The following FLVCR1 variants were observed in gnomAD, a reference collection of about 807,000 sequenced individuals.
FLVCR1 encodes choline/ethanolamine transporter FLVCR1.
FLVCR1 carries 34 observed loss-of-function variants against 53.6 expected under a neutral mutation model. That is an observed-to-expected ratio of 0.63 (90% CI 0.48 to 0.84). FLVCR1 has a LOEUF of 0.84. FLVCR1 is among the 40% of genes least tolerant of loss of function. The pLI, the probability that FLVCR1 is intolerant of heterozygous loss-of-function variation, is 0.00. For synonymous variants in FLVCR1, 300 were observed against 286.3 expected, an observed-to-expected ratio of 1.05 and a Z score of -0.48; for missense variants, 677 against 696.7, an observed-to-expected ratio of 0.97 and a Z score of 0.32.
chr1:212,860,265 G>A (rs564921486), intron 1 of FLVCR1, among the ~76,000 whole-genome samples: 1 of 151,092 alleles, frequency 6.6e-6, no homozygotes, highest in Non-Finnish European at 1.5e-5. Context: ...ATAGTTGTTT[G>A]TCCAAAATAA....
At chr1:212,891,917 T>C (rs1665203718) in intron 8 of FLVCR1, among the ~76,000 whole-genome samples, 1 of 152,188 alleles carries the variant, frequency 6.6e-6, no homozygotes, top group African/African-American at 2.4e-5. Context: ...AAACAGCCTA[T>C]TGATATGGAG....
chr1:212,892,702 GTCTTAT>G (rs1353591716), intron 8 of FLVCR1, among the ~76,000 whole-genome samples: 1 of 152,122 alleles, frequency 6.6e-6, no homozygotes, highest in Non-Finnish European at 1.5e-5. Flanking sequence ...CAACTTTCAA[GTCTTAT>G]TCTTTAAGAA....
In FLVCR1 at chr1:212,895,360, C is replaced by A; in HGVS notation, c.*70C>A. On this transcript the variant is annotated 3_prime_UTR_variant, in exon 10 of 10. Coordinates refer to ENST00000366971, the MANE Select transcript of FLVCR1 (RefSeq NM_014053.4). The stretch of plus-strand genomic sequence containing the variant: ...GATCATCCTTGGAGAGAGATGTGAG[C>A]ACCAAGGCTGGGTTTGTATGTGGTG... 8.4e-7 allele frequency: 1 copy of A among 1,192,942 alleles called. No individual in the cohort carries two copies. The highest frequency in any genetic ancestry group is 1.3e-6 in the Non-Finnish European group (1 of 796,650). 73.9% of individuals were successfully genotyped at this position (1,192,942 alleles called of 1,614,324 possible).
intron 8 of FLVCR1, among the ~76,000 whole-genome samples, chr1:212,893,718 A>G (rs1195083060): frequency 6.6e-6 from 1 of 152,214 alleles, no homozygotes; most frequent in Non-Finnish European, 1.5e-5. Flanking sequence ...CAGCAAAAAG[A>G]TAACTTGCAG....
At chr1:212,890,460 T>TAA (rs5780704) in intron 8 of FLVCR1, among the ~76,000 whole-genome samples, 71 of 148,572 alleles carry the variant, frequency 4.8e-4, no homozygotes, top group South Asian at 3.8e-3. Context: ...GCTAATGAGC[T>TAA]AAAAAAAAAA....
intron 1 of FLVCR1, 124 bp from the exon 2 acceptor site, chr1:212,863,601 A>G (rs1300082737): frequency 8.3e-6 from 7 of 841,038 alleles, no homozygotes; most frequent in Non-Finnish European, 1.3e-5. Flanking sequence ...AAAAAAGAAC[A>G]TAATAGTTTA....
intron 2 of FLVCR1, among the ~76,000 whole-genome samples, chr1:212,871,485 C>T (rs1046743123): frequency 7.2e-5 from 11 of 152,186 alleles, no homozygotes; most frequent in Admixed American, 7.2e-4. Context: ...TCACTGCAGC[C>T]TGTATTCCTG....
At chr1:212,866,401 G>A (rs1664431785) in intron 2 of FLVCR1, among the ~76,000 whole-genome samples, 1 of 151,982 alleles carries the variant, frequency 6.6e-6, no homozygotes, top group Admixed American at 6.6e-5. Flanking sequence ...GATTACTGGT[G>A]TGAGCCACTG....
intron 8 of FLVCR1, among the ~76,000 whole-genome samples, chr1:212,894,730 C>G (rs41301011): frequency 1.1e-4 from 16 of 152,080 alleles, no homozygotes; most frequent in Admixed American, 3.3e-4. Flanking sequence ...TTGGAGAGTC[C>G]TTTAAGAAAA....
At position 212,858,636 on chromosome 1, in the gene FLVCR1, G is replaced by C. The variant is rs747698371; in HGVS notation, c.184G>C (p.Gly62Arg). ...CCGGGACAGCCTCGCTGCCGCCTCG[G>C]GAGTTCTGGGCGGGCCTCAGACTCC... ...APRDSLAAASGVLGGPQTPLA... is the reference protein window; with the variant it reads ...APRDSLAAASRVLGGPQTPLA... The change falls in exon 1 of 10, where the codon GGA becomes CGA. Residue 62 changes from glycine to arginine, a missense_variant. Physicochemically the swap from Gly to Arg is moderately radical, Grantham distance 125. Coordinates refer to ENST00000366971, the MANE Select transcript of FLVCR1 (RefSeq NM_014053.4). 12 of 1,537,034 alleles carry C rather than the reference G, an allele frequency of 7.8e-6. No individual in the cohort carries two copies. The South Asian group carries it at 1.4e-4, about 18-fold the overall frequency.
intron 3 of FLVCR1, among the ~76,000 whole-genome samples, chr1:212,879,469 G>A (rs1664861617): frequency 6.6e-6 from 1 of 152,116 alleles, no homozygotes; most frequent in Non-Finnish European, 1.5e-5. Flanking sequence ...CTAGAATAGA[G>A]CTTCGGGATC....
intron 3 of FLVCR1, among the ~76,000 whole-genome samples, chr1:212,880,520 A>T (rs901293837): frequency 6.6e-6 from 1 of 152,198 alleles, no homozygotes; most frequent in Admixed American, 6.5e-5. Flanking sequence ...CCTGCTGGCC[A>T]GGTGCAGTGG....
intron 3 of FLVCR1, among the ~76,000 whole-genome samples, chr1:212,876,360 A>G (rs918425591): frequency 6.8e-6 from 1 of 147,674 alleles, no homozygotes; most frequent in Non-Finnish European, 1.5e-5. Flanking sequence ...TGCAAAGGAC[A>G]TGATCTCATT....
intron 1 of FLVCR1, among the ~76,000 whole-genome samples, chr1:212,863,479 C>T (rs1177326849): frequency 6.6e-6 from 1 of 151,550 alleles, no homozygotes; most frequent in Non-Finnish European, 1.5e-5. Context: ...ATCCCAGCTA[C>T]TCAGGAGGCT....
At chr1:212,864,863 T>C (rs929831920) in intron 2 of FLVCR1, among the ~76,000 whole-genome samples, 12 of 152,238 alleles carry the variant, frequency 7.9e-5, no homozygotes, top group African/African-American at 2.9e-4. Context: ...GGGTAGAGAC[T>C]GCCTTGGTAG....
rs572881055 is a variant in FLVCR1 at position 212,872,738 on chromosome 1, C to G, written c.944C>G (p.Pro315Arg). The G allele has an allele frequency of 9.5e-5, 153 of 1,612,918 alleles. 2 individuals are homozygous for G. The highest frequency in any genetic ancestry group is 9.1e-4 in the South Asian group (83 of 91,056). Residue 315 changes from proline (P) to arginine (R), a missense_variant, in exon 3 of 10, where the codon CCC (proline) becomes CGC (arginine). By Grantham distance (103) the Pro-to-Arg change is moderately radical (BLOSUM62 -2). Transcript: ENST00000366971. ...SQAQAALQDS[P>R]PEEYSYKKSI... ...GCTCAAGCAGCTCTTCAAGACAGTC[C>G]CCCTGAAGAGTACTCCTATAAGAAA...
rs1665407706 is a variant in FLVCR1, at chr1:212,898,925, T to G, written c.*3635T>G. On this transcript the variant is annotated 3_prime_UTR_variant, in exon 10 of 10. Transcript: ENST00000366971. The stretch of plus-strand genomic sequence containing the variant: ...TCTAAACATAGAACAGATAATACAT[T>G]GTGCTACAATGTAACAATGGCTGTG... The G allele has an allele frequency of 6.6e-6, 1 of 152,218 alleles. No individual in the cohort carries two copies. Among genetic ancestry groups the G allele is most frequent in the African/African-American group, 2.4e-5 (1 of 41,448 alleles). 9.4% of individuals were successfully genotyped at this position (152,218 alleles called of 1,614,324 possible).
rs1175866801 is a variant in FLVCR1, at chr1:212,899,046, C to T, written c.*3756C>T. The T allele has an allele frequency of 6.6e-6, 1 of 152,098 alleles. No individual in the cohort carries two copies. Among genetic ancestry groups the T allele is most frequent in the East Asian group, 1.9e-4 (1 of 5,200 alleles). The allele number at this position is 152,098 out of a possible 1,614,324, so 9.4% of individuals were successfully genotyped here. A position where few individuals can be genotyped will look rare whatever the true frequency, so the allele number is the denominator to read the frequency against. Reference sequence around the variant, plus strand: ...TGTTGATCGAAACATGACTGTATGTCGTATTTTCAGAAAATGGAATAGGTA... The same window carrying T: ...TGTTGATCGAAACATGACTGTATGTTGTATTTTCAGAAAATGGAATAGGTA... On this transcript the variant is annotated 3_prime_UTR_variant, in exon 10 of 10. Coordinates refer to ENST00000366971, the MANE Select transcript of FLVCR1 (RefSeq NM_014053.4).
At chr1:212,860,977 C>G (rs1481650052) in intron 1 of FLVCR1, among the ~76,000 whole-genome samples, 1 of 151,824 alleles carries the variant, frequency 6.6e-6, no homozygotes, top group Admixed American at 6.6e-5. Flanking sequence ...CTATCTGTAG[C>G]CCTTGCTGTC....
Sources: allele counts gnomAD v4.1 joint callset (sites outside exome capture counted in the v4.1 genomes callset), GRCh38; gene constraint gnomAD v4.1.1; transcripts MANE v1.5; gene names NCBI Gene and HGNC (gene_info 2026-07-23, HGNC 2026-07-21).